RARB: variants seen among roughly 807,000 people sequenced by gnomAD.
RARB encodes retinoic acid receptor beta.
RARB carries 17 observed loss-of-function variants against 51.9 expected under a neutral mutation model. The observed-to-expected ratio is 0.33, with a 90% CI of 0.22 to 0.49. The LOEUF is 0.49. RARB is among the 20% of genes least tolerant of loss of function. The pLI is 0.99. For missense variants in RARB, 369 were observed against 550.8 expected, an observed-to-expected ratio of 0.67 and a Z score of 3.30; for synonymous variants, 215 against 195.4, an observed-to-expected ratio of 1.10 and a Z score of -0.84.
At chr3:25,559,764 G>C (rs1700198426) in intron 3 of RARB, among the ~76,000 whole-genome samples, 1 of 152,200 alleles carries the variant, frequency 6.6e-6, no homozygotes, top group Non-Finnish European at 1.5e-5. Flanking sequence ...ATGGACAGAT[G>C]AATAGATGAA....
chr3:24,846,844 T>C (rs1575033748), intron 1 of RARB, among the ~76,000 whole-genome samples: 2 of 151,140 alleles, frequency 1.3e-5, no homozygotes, highest in African/African-American at 4.9e-5. Context: ...GGCAATGAAC[T>C]TCCACCTATT....
rs557337065 is a variant in RARB, at chr3:25,445,659, T to G, written c.158-15534T>G. On this transcript the variant is annotated intron_variant, in intron 1 of 7. Coordinates refer to ENST00000330688, the MANE Select transcript of RARB (RefSeq NM_000965.5). ...TCCAGCCTGGGTGACAGGGTGAGAC[T>G]CCTTCTCAAAAAAAAATAATAAGGA... Among the ~76,000 whole-genome samples, 407 of 152,068 alleles carry G rather than the reference T, an allele frequency of 2.7e-3. 4 individuals are homozygous for G. Among genetic ancestry groups the G allele is most frequent in the African/African-American group, 8.8e-3 (365 of 41,496 alleles).
At chr3:24,886,541 C>T (rs943973753) in intron 2 of RARB, among the ~76,000 whole-genome samples, 3 of 151,490 alleles carry the variant, frequency 2.0e-5, no homozygotes, top group African/African-American at 7.3e-5. Flanking sequence ...ACCTCCCGGA[C>T]TCAAGCCATT....
intron 4 of RARB, among the ~76,000 whole-genome samples, chr3:25,141,455 G>C (rs1187070437): frequency 6.6e-6 from 1 of 152,186 alleles, no homozygotes; most frequent in African/African-American, 2.4e-5. Flanking sequence ...CTGATAGGTA[G>C]AATGATCTGC....
At chr3:25,405,888 G>T (rs957005490) in intron 5 of RARB, among the ~76,000 whole-genome samples, 1 of 152,158 alleles carries the variant, frequency 6.6e-6, no homozygotes, top group African/African-American at 2.4e-5. Context: ...TGGTGGAGGG[G>T]CAGGACACTA....
At chr3:25,567,313 C>A (rs1700536886) in intron 3 of RARB, among the ~76,000 whole-genome samples, 1 of 152,274 alleles carries the variant, frequency 6.6e-6, no homozygotes, top group African/African-American at 2.4e-5. Context: ...CCCTCCCCAC[C>A]AACTTGCCCC....
intron 2 of RARB, among the ~76,000 whole-genome samples, chr3:24,863,870 G>C (rs886822341): frequency 6.6e-6 from 1 of 151,940 alleles, no homozygotes; most frequent in Non-Finnish European, 1.5e-5. Flanking sequence ...CTGTATCTAT[G>C]TTTCCATTCT....
intron 3 of RARB, among the ~76,000 whole-genome samples, chr3:25,557,811 C>A (rs943443809): frequency 5.9e-5 from 9 of 152,174 alleles, no homozygotes; most frequent in Non-Finnish European, 1.0e-4. Context: ...TTCACACAAT[C>A]ACATGAGCTG....
At chr3:25,110,906 A>C (rs1387281864) in intron 3 of RARB, among the ~76,000 whole-genome samples, 1 of 152,162 alleles carries the variant, frequency 6.6e-6, no homozygotes, top group Admixed American at 6.5e-5. Context: ...TAAAGCCCCC[A>C]ATTTAAGTTT....
intron 2 of RARB, among the ~76,000 whole-genome samples, chr3:24,913,765 G>A (rs940298872): frequency 6.6e-6 from 1 of 152,014 alleles, no homozygotes; most frequent in Non-Finnish European, 1.5e-5. Flanking sequence ...AACGTTTTTG[G>A]GGAAAAAGTT....
At chr3:25,088,093 G>C (rs536962012) in intron 3 of RARB, among the ~76,000 whole-genome samples, 1 of 152,070 alleles carries the variant, frequency 6.6e-6, no homozygotes, top group South Asian at 2.1e-4. Context: ...GGCGGAGGGA[G>C]ATAAGCAATT....
At chr3:25,331,019 A>G (rs1258301865) in intron 5 of RARB, among the ~76,000 whole-genome samples, 1 of 152,226 alleles carries the variant, frequency 6.6e-6, no homozygotes, top group Non-Finnish European at 1.5e-5. Flanking sequence ...ACCCAGATTC[A>G]TGAAGCAAGT....
At chr3:24,864,176 T>C (rs964477821) in intron 2 of RARB, among the ~76,000 whole-genome samples, 1 of 152,178 alleles carries the variant, frequency 6.6e-6, no homozygotes, top group South Asian at 2.1e-4. Flanking sequence ...TCACTGATGT[T>C]CTGATTGCAG....
intron 2 of RARB, among the ~76,000 whole-genome samples, chr3:25,041,603 A>G (rs908814846): frequency 6.6e-6 from 1 of 151,982 alleles, no homozygotes; most frequent in African/African-American, 2.4e-5. Context: ...GAGATAACAC[A>G]TAATTCTCCA....
intron 2 of RARB, among the ~76,000 whole-genome samples, chr3:24,920,063 T>C (rs1188591064): frequency 1.3e-5 from 2 of 152,234 alleles, no homozygotes; most frequent in Non-Finnish European, 2.9e-5. Flanking sequence ...AGAATGAATT[T>C]AAGATTATTT....
At chr3:25,472,743 C>T (rs1165697766) in intron 2 of RARB, among the ~76,000 whole-genome samples, 4 of 152,162 alleles carry the variant, frequency 2.6e-5, no homozygotes, top group Non-Finnish European at 5.9e-5. Flanking sequence ...TCTAAACATC[C>T]CCATATTCCT....
chr3:25,000,998 G>A (rs1697148070), intron 2 of RARB, among the ~76,000 whole-genome samples: 1 of 152,054 alleles, frequency 6.6e-6, no homozygotes, highest in Non-Finnish European at 1.5e-5. Flanking sequence ...ATTTGAAAGA[G>A]AGGCCCCACC....
intron 2 of RARB, among the ~76,000 whole-genome samples, chr3:24,947,266 C>T (rs982502690): frequency 2.6e-5 from 4 of 152,186 alleles, no homozygotes; most frequent in East Asian, 1.9e-4. Context: ...AAAAGTCATA[C>T]GTGAACCTAT....
At chr3:25,114,302 T>C (rs1338964535) in intron 3 of RARB, among the ~76,000 whole-genome samples, 3 of 152,216 alleles carry the variant, frequency 2.0e-5, no homozygotes, top group East Asian at 3.9e-4. Flanking sequence ...AGAAGAGCCA[T>C]GTGCCCAAAC....
Sources: gnomAD v4.1 joint callset for allele counts (sites outside exome capture counted in the v4.1 genomes callset) on GRCh38, gnomAD v4.1.1 for gene constraint, MANE v1.5 for transcripts, NCBI Gene and HGNC (gene_info 2026-07-23, HGNC 2026-07-21) for gene names.